UNC13C: variants seen among roughly 807,000 people sequenced by gnomAD.
The protein encoded by UNC13C is protein unc-13 homolog C.
Under a neutral mutation model 245.4 loss-of-function variants are expected in UNC13C, and 174 were observed. The ratio of observed to expected loss-of-function variants is 0.71; its 90% CI spans 0.63 to 0.80. The LOEUF (loss-of-function observed/expected upper bound fraction) is 0.80. Among genes scored for constraint, UNC13C ranks in the 30% least tolerant of loss-of-function variants. The pLI is 0.00. For synonymous variants in UNC13C, 992 were observed against 895.1 expected (o/e 1.11, Z -1.93); for missense variants, 2,829 against 2,602.9 (o/e 1.09, Z -1.89).
chr15:53,874,921 C>T, the UNC13C span, among the ~76,000 whole-genome samples: 7 of 152,102 alleles, frequency 4.6e-5, no homozygotes, highest in African/African-American at 1.4e-4. Flanking sequence ...TAGTGAAACC[C>T]CATCTCTACT....
chr15:53,904,970 C>T, the UNC13C span, among the ~76,000 whole-genome samples: 1 of 151,998 alleles, frequency 6.6e-6, no homozygotes, highest in African/African-American at 2.4e-5. Flanking sequence ...TTAAATCTCT[C>T]TAAGGAAAAT....
In UNC13C at chr15:54,290,438, A is replaced by C. The variant is rs148454954; in HGVS notation, c.3819-3457A>C. ...GAAAAAAACAGTCAACCAGAAATGCACAGAGACTCAAACTCCCAAGACAAA... is the reference window on the plus strand; with the variant it reads ...GAAAAAAACAGTCAACCAGAAATGCCCAGAGACTCAAACTCCCAAGACAAA... On this transcript the variant is annotated intron_variant, in intron 10 of 32. Transcript: ENST00000260323. Among the ~76,000 whole-genome samples, 201 of 152,226 alleles carry C rather than the reference A, an allele frequency of 1.3e-3. 3 individuals carry two copies. In the East Asian group the frequency reaches 0.032, roughly 25 times the overall value.
intron 30 of UNC13C, among the ~76,000 whole-genome samples, chr15:54,588,404 G>T (rs1314924298): frequency 2.0e-5 from 3 of 152,188 alleles, no homozygotes; most frequent in Admixed American, 2.0e-4. Context: ...GAGGTTGACA[G>T]TAGTGTCCCC....
intron 25 of UNC13C, among the ~76,000 whole-genome samples, chr15:54,527,017 T>C (rs1352158023): frequency 6.6e-6 from 1 of 152,148 alleles, no homozygotes; most frequent in Non-Finnish European, 1.5e-5. Context: ...CAAGGTGGCC[T>C]TGTCTTCATG....
chr15:54,127,696 C>G (rs1011136946), intron 2 of UNC13C, among the ~76,000 whole-genome samples: 4 of 145,526 alleles, frequency 2.7e-5, no homozygotes, highest in African/African-American at 1.0e-4. Context: ...CCCAGAACTT[C>G]AAGTGTGTGT....
chr15:54,499,670 G>A (rs1319818439), intron 20 of UNC13C, among the ~76,000 whole-genome samples: 2 of 152,154 alleles, frequency 1.3e-5, no homozygotes, highest in African/African-American at 4.8e-5. Flanking sequence ...TCATAACTAA[G>A]GAGTCTGAGG....
intron 32 of UNC13C, among the ~76,000 whole-genome samples, chr15:54,624,511 G>GAATTGAAAAGCCCTA (rs547779520): frequency 1.0e-3 from 153 of 152,298 alleles, no homozygotes; most frequent in Non-Finnish European, 1.6e-3. Flanking sequence ...GGTACAGATA[G>GAATTGAAAAGCCCTA]TGTGTCACAT....
chr15:53,881,887 C>T, the UNC13C span, among the ~76,000 whole-genome samples: 1 of 152,130 alleles, frequency 6.6e-6, no homozygotes, highest in Non-Finnish European at 1.5e-5. Flanking sequence ...CACATGATTA[C>T]TTTCACATTA....
At chr15:54,247,826 C>T (rs2036036602) in intron 7 of UNC13C, among the ~76,000 whole-genome samples, 1 of 151,766 alleles carries the variant, frequency 6.6e-6, no homozygotes, top group South Asian at 2.1e-4. Flanking sequence ...TGAATTATGG[C>T]TCCTTAGCCA....
At chr15:54,590,678 G>A (rs1898739122) in intron 30 of UNC13C, among the ~76,000 whole-genome samples, 1 of 152,148 alleles carries the variant, frequency 6.6e-6, no homozygotes, top group African/African-American at 2.4e-5. Context: ...TTTACCAGTT[G>A]TATGCGCTTT....
rs200373775 is a variant in UNC13C, at chr15:54,234,980, C to A, written c.3072-50C>A. ...CCATGAACAGTGGATGTTTTTCTTA[C>A]AAGAAGTCATTTTACCCATTGCAAT... On this transcript the variant is annotated intron_variant, in intron 4 of 32. Transcript: ENST00000260323. The A allele has an allele frequency of 6.2e-4, 943 of 1,530,824 alleles. 13 individuals are homozygous for A. The South Asian group carries it at 0.01, about 16-fold the overall frequency. The allele number at this position is 1,530,824 out of a possible 1,614,324, so 94.8% of individuals were successfully genotyped here.
chr15:54,434,295 A>G (rs1050929588), intron 19 of UNC13C, among the ~76,000 whole-genome samples: 3 of 152,140 alleles, frequency 2.0e-5, no homozygotes, highest in African/African-American at 7.2e-5. Context: ...TCCTAAGCAA[A>G]AAAACAAAGC....
intron 17 of UNC13C, among the ~76,000 whole-genome samples, chr15:54,374,719 G>T (rs1174225119): frequency 6.6e-6 from 1 of 152,216 alleles, no homozygotes; most frequent in Non-Finnish European, 1.5e-5. Flanking sequence ...CCTCCAACTT[G>T]GAAGGGGTGG....
At chr15:54,274,970 T>A (rs8034428) in intron 10 of UNC13C, among the ~76,000 whole-genome samples, 85,426 of 151,896 alleles carry the variant, frequency 0.56, 25,746 homozygotes, top group African/African-American at 0.78. Flanking sequence ...ACGCGCGGCC[T>A]AAGTAGACAA....
intron 17 of UNC13C, among the ~76,000 whole-genome samples, chr15:54,353,149 C>A (rs2140846922): frequency 6.6e-6 from 1 of 152,212 alleles, no homozygotes; most frequent in South Asian, 2.1e-4. Flanking sequence ...AGAGAAATTT[C>A]AGTGAACAAG....
At chr15:54,186,856 T>TATATATATATATA (rs1567079918) in intron 4 of UNC13C, among the ~76,000 whole-genome samples, 7 of 120,218 alleles carry the variant, frequency 5.8e-5, no homozygotes, top group East Asian at 2.5e-4. Flanking sequence ...TATATATATA[T>TATATATATATATA]TTTGTTTTTT....
intron 30 of UNC13C, among the ~76,000 whole-genome samples, chr15:54,618,607 G>A (rs1271035956): frequency 6.6e-6 from 1 of 151,792 alleles, no homozygotes; most frequent in Non-Finnish European, 1.5e-5. Flanking sequence ...TTTTACCCTG[G>A]GATAGACAAT....
At chr15:54,507,838 A>G (rs1894542591) in intron 23 of UNC13C, among the ~76,000 whole-genome samples, 1 of 150,818 alleles carries the variant, frequency 6.6e-6, no homozygotes, top group Non-Finnish European at 1.5e-5. Context: ...AACATTTTGA[A>G]AAACAGTAGC....
At chr15:54,134,505 GTTT>G (rs1230775649) in intron 2 of UNC13C, among the ~76,000 whole-genome samples, 1 of 149,230 alleles carries the variant, frequency 6.7e-6, no homozygotes, top group Non-Finnish European at 1.5e-5. Flanking sequence ...TAGGTTTTTT[GTTT>G]TTTGTTTTTT....
Sources: allele counts gnomAD v4.1 joint callset (sites outside exome capture counted in the v4.1 genomes callset), GRCh38; gene constraint gnomAD v4.1.1; transcripts MANE v1.5; gene names NCBI Gene and HGNC (gene_info 2026-07-23, HGNC 2026-07-21).